The following MECOM variants were observed in gnomAD, a reference collection of about 807,000 sequenced individuals.
MECOM encodes the protein histone-lysine N-methyltransferase MECOM.
A neutral mutation model predicts 116.3 loss-of-function variants in MECOM; 13 were observed. That is an observed-to-expected ratio of 0.11 (90% CI 0.07 to 0.18). The LOEUF is 0.18. Among genes scored for constraint, MECOM ranks in the 10% least tolerant of loss-of-function variants. MECOM has a pLI of 1.00. For synonymous variants in MECOM, 528 were observed against 535.2 expected (o/e 0.99, Z 0.19); for missense variants, 1,299 against 1,509.0 (o/e 0.86, Z 2.31).
intron 4 of MECOM, 141 bp from the exon 5 acceptor site, chr3:169,128,201 A>G (rs1733546362): frequency 1.4e-6 from 1 of 726,826 alleles, no homozygotes; most frequent in East Asian, 2.7e-5. Flanking sequence ...TGGATTAGAA[A>G]TATCATATGT....
At chr3:169,357,576 T>G (rs1276342360) in intron 2 of MECOM, among the ~76,000 whole-genome samples, 1 of 151,820 alleles carries the variant, frequency 6.6e-6, no homozygotes, top group Non-Finnish European at 1.5e-5. Flanking sequence ...CTGCAAATAA[T>G]TTCAGGTATA....
intron 2 of MECOM, among the ~76,000 whole-genome samples, chr3:169,291,429 C>G (rs1408707839): frequency 6.6e-6 from 1 of 152,168 alleles, no homozygotes; most frequent in Non-Finnish European, 1.5e-5. Context: ...TTGGCTTATA[C>G]TTTCCTCTAA....
At chr3:169,386,833 A>ATTT (rs1413360019) in intron 1 of MECOM, among the ~76,000 whole-genome samples, 1 of 152,188 alleles carries the variant, frequency 6.6e-6, no homozygotes, top group East Asian at 1.9e-4. Flanking sequence ...TTATACTGGC[A>ATTT]TTTATTATTA....
chr3:169,412,764 A>G (rs1737767726), intron 1 of MECOM, among the ~76,000 whole-genome samples: 1 of 152,066 alleles, frequency 6.6e-6, no homozygotes, highest in African/African-American at 2.4e-5. Flanking sequence ...ACTGAAACAT[A>G]TAAGAACATC....
At chr3:169,443,708 G>A (rs973770274) in intron 1 of MECOM, among the ~76,000 whole-genome samples, 8 of 152,040 alleles carry the variant, frequency 5.3e-5, no homozygotes, top group African/African-American at 9.7e-5. Flanking sequence ...ATACTCTTCC[G>A]CTGTTTCCCA....
intron 2 of MECOM, among the ~76,000 whole-genome samples, chr3:169,322,323 T>C (rs1260206905): frequency 1.3e-5 from 2 of 152,210 alleles, no homozygotes; most frequent in African/African-American, 4.8e-5. Context: ...TTGGCCAGAT[T>C]GGGAATTAGG....
At chr3:169,141,788 G>A (rs1383284792) in intron 3 of MECOM, among the ~76,000 whole-genome samples, 1 of 151,988 alleles carries the variant, frequency 6.6e-6, no homozygotes, top group East Asian at 1.9e-4. Flanking sequence ...GTTTATGGAT[G>A]AATTTACTTG....
intron 1 of MECOM, among the ~76,000 whole-genome samples, chr3:169,443,715 C>T (rs116527633): frequency 0.012 from 1,836 of 152,302 alleles, 11 homozygotes; most frequent in Middle Eastern, 0.041. Flanking sequence ...TCCGCTGTTT[C>T]CCACTGACAG....
chr3:169,483,680 G>C, intron 1 of MECOM: 1 of 1,558,530 alleles, frequency 6.4e-7, no homozygotes, highest in Admixed American at 1.8e-5. Flanking sequence ...TTTAATCCTC[G>C]TCTTCCTCCT....
chr3:169,256,201 T>C (rs545833008), intron 2 of MECOM, among the ~76,000 whole-genome samples: 2 of 152,280 alleles, frequency 1.3e-5, no homozygotes, highest in African/African-American at 4.8e-5. Context: ...TATGTAACTG[T>C]ATGCATGACT....
At position 169,540,839 on chromosome 3, in the gene MECOM, C is replaced by T. The variant is rs533782801; in HGVS notation, c.37+122497G>A. Among the ~76,000 whole-genome samples, 8 of 152,288 alleles carry T rather than the reference C, an allele frequency of 5.3e-5. No individual in the cohort carries two copies. The East Asian group carries it at 1.5e-3, about 29-fold the overall frequency. ...AACATATTTGTACTCCTTATAAAGA[C>T]TCAACACTCAAATGTAACCTCCATG... On this transcript the variant is annotated intron_variant, in intron 1 of 16. Transcript: ENST00000651503.
chr3:169,384,243 C>CT (rs902930981), intron 1 of MECOM, among the ~76,000 whole-genome samples: 6 of 151,868 alleles, frequency 4.0e-5, no homozygotes, highest in Admixed American at 6.6e-5. Context: ...CAAATCAATA[C>CT]TTTTTTTTAC....
intron 9 of MECOM, among the ~76,000 whole-genome samples, chr3:169,112,432 GGACGAGTCACAGTAT>G (rs896311968): frequency 1.3e-5 from 2 of 151,966 alleles, no homozygotes; most frequent in African/African-American, 4.8e-5. Flanking sequence ...CATGAGTATG[GGACGAGTCACAGTAT>G]GATCTATTTC....
chr3:169,534,958 G>A (rs1374606594), intron 1 of MECOM, among the ~76,000 whole-genome samples: 1 of 152,202 alleles, frequency 6.6e-6, no homozygotes, highest in Non-Finnish European at 1.5e-5. Flanking sequence ...AGTCCCGAAA[G>A]GGAAATGTCG....
intron 1 of MECOM, among the ~76,000 whole-genome samples, chr3:169,578,710 G>A (rs1179803583): frequency 6.6e-6 from 1 of 152,080 alleles, no homozygotes; most frequent in African/African-American, 2.4e-5. Context: ...TAACTTTTCA[G>A]AAGAAGTCAG....
chr3:169,658,250 G>A (rs1775771569), intron 1 of MECOM, among the ~76,000 whole-genome samples: 1 of 152,206 alleles, frequency 6.6e-6, no homozygotes, highest in East Asian at 1.9e-4. Flanking sequence ...AGCGGAAGAA[G>A]GGTTAACCGT....
chr3:169,315,514 T>C (rs1719579993), intron 2 of MECOM, among the ~76,000 whole-genome samples: 1 of 152,188 alleles, frequency 6.6e-6, no homozygotes, highest in Non-Finnish European at 1.5e-5. Flanking sequence ...TACTGGTGAC[T>C]GGAAGAAAAG....
chr3:169,404,362 T>C (rs17550965), intron 1 of MECOM, among the ~76,000 whole-genome samples: 7,086 of 151,798 alleles, frequency 0.047, 203 homozygotes, highest in South Asian at 0.077. Flanking sequence ...ACAATGGAAA[T>C]GCACAGAGGG....
chr3:169,112,778 A>C lies in MECOM; in HGVS notation c.2577+9T>G. 6.2e-7 allele frequency: 1 copy of C among 1,606,166 alleles called. No homozygotes were observed. Among genetic ancestry groups the C allele is most frequent in the Non-Finnish European group, 8.5e-7 (1 of 1,174,940 alleles). ...TACAAGCTGGAAATCTCAAATCCAA[A>C]ATACTTACTTGTGGGTGAAACAAGA... On this transcript the variant is annotated intron_variant, in intron 9 of 16. Coordinates refer to ENST00000651503, the MANE Select transcript of MECOM (RefSeq NM_004991.4).
Sources: gnomAD v4.1 joint callset for allele counts (sites outside exome capture counted in the v4.1 genomes callset) on GRCh38, gnomAD v4.1.1 for gene constraint, MANE v1.5 for transcripts, NCBI Gene and HGNC (gene_info 2026-07-23, HGNC 2026-07-21) for gene names.